Variants in SAMMSON observed in about 807,000 individuals in gnomAD.
SAMMSON encodes the protein survival associated mitochondrial melanoma specific oncogenic non-coding RNA, also known as long intergenic non-protein coding RNA 1212.
intron 9 of SAMMSON, among the ~76,000 whole-genome samples, chr3:70,368,036 C>A (rs1359210372): frequency 1.3e-5 from 2 of 150,778 alleles, no homozygotes; most frequent in Non-Finnish European, 3.0e-5. Flanking sequence ...ATGTTTTCTG[C>A]AAATATTTCT....
chr3:70,292,636 C>T (rs1375236141), intron 7 of SAMMSON, among the ~76,000 whole-genome samples: 1 of 152,022 alleles, frequency 6.6e-6, no homozygotes, highest in Non-Finnish European at 1.5e-5. Context: ...TGAAAAATAA[C>T]TATTTAAACT....
chr3:70,414,996 A>G (rs897029434), intron 2 of SAMMSON, among the ~76,000 whole-genome samples: 5 of 152,166 alleles, frequency 3.3e-5, no homozygotes, highest in Non-Finnish European at 7.4e-5. Flanking sequence ...AAAAAGATCC[A>G]TGCATATAGA....
intron 1 of SAMMSON, among the ~76,000 whole-genome samples, chr3:70,008,517 A>G (rs1444040953): frequency 1.3e-5 from 2 of 152,212 alleles, no homozygotes; most frequent in Non-Finnish European, 2.9e-5. Context: ...GAAGTTGCCT[A>G]TCAGCTTAAG....
intron 3 of SAMMSON, among the ~76,000 whole-genome samples, chr3:70,057,361 A>G (rs1352600716): frequency 2.0e-5 from 3 of 152,066 alleles, no homozygotes; most frequent in African/African-American, 7.2e-5. Flanking sequence ...TCATTTTAAA[A>G]GAATGTTTCT....
chr3:70,153,590 G>T (rs768835448), intron 4 of SAMMSON, among the ~76,000 whole-genome samples: 1 of 151,924 alleles, frequency 6.6e-6, no homozygotes. Context: ...TTAATAAACC[G>T]AAAGTAATCT....
chr3:70,370,520 T>A (rs1321340899), intron 9 of SAMMSON, among the ~76,000 whole-genome samples: 2 of 152,152 alleles, frequency 1.3e-5, no homozygotes, highest in South Asian at 4.1e-4. Context: ...TAAGATGATA[T>A]CTCATTGTGA....
chr3:70,266,275 T>C (rs1701916375), intron 6 of SAMMSON, among the ~76,000 whole-genome samples: 1 of 151,744 alleles, frequency 6.6e-6, no homozygotes, highest in Admixed American at 6.5e-5. Context: ...TATTTAATTA[T>C]GTACTTCTAA....
intron 2 of SAMMSON, among the ~76,000 whole-genome samples, chr3:70,408,639 C>G (rs1701194773): frequency 6.6e-6 from 1 of 152,160 alleles, no homozygotes; most frequent in African/African-American, 2.4e-5. Context: ...GTCCATATCA[C>G]TATCAGGGTT....
intron 6 of SAMMSON, among the ~76,000 whole-genome samples, chr3:70,264,795 A>C (rs937331009): frequency 1.3e-5 from 2 of 152,198 alleles, no homozygotes; most frequent in African/African-American, 4.8e-5. Context: ...GGAGCTATGG[A>C]AACTCTTGGG....
intron 7 of SAMMSON, chr3:70,311,788 C>A (rs1380249196): frequency 5.1e-6 from 2 of 389,064 alleles, no homozygotes; most frequent in Non-Finnish European, 9.1e-6. Context: ...ACTATTTGAA[C>A]GGTCAGGACA....
At chr3:70,274,630 G>T (rs762555451) in intron 6 of SAMMSON, among the ~76,000 whole-genome samples, 6 of 152,086 alleles carry the variant, frequency 3.9e-5, no homozygotes, top group Admixed American at 2.0e-4. Flanking sequence ...GTCCTGTTGG[G>T]GATGGAGCGG....
chr3:70,095,610 A>G (rs932546283), intron 4 of SAMMSON, among the ~76,000 whole-genome samples: 5 of 152,178 alleles, frequency 3.3e-5, no homozygotes, highest in Admixed American at 6.5e-5. Context: ...GCCAATTGCC[A>G]GGAAGGGGAA....
intron 4 of SAMMSON, among the ~76,000 whole-genome samples, chr3:70,244,527 A>G (rs769954243): frequency 6.6e-6 from 1 of 152,242 alleles, no homozygotes; most frequent in Admixed American, 6.5e-5. Flanking sequence ...TGAGTAGGCT[A>G]ACAAATCTAT....
intron 4 of SAMMSON, chr3:70,196,973 C>T (rs777472373): frequency 4.8e-5 from 19 of 398,418 alleles, no homozygotes; most frequent in East Asian, 7.1e-5. Flanking sequence ...TCCAGACACT[C>T]GCTGGTCTCA....
chr3:70,071,091 A>G (rs764103017), intron 3 of SAMMSON, among the ~76,000 whole-genome samples: 49 of 152,110 alleles, frequency 3.2e-4, no homozygotes, highest in Non-Finnish European at 5.9e-4. Flanking sequence ...GGGGTCTTAT[A>G]GGTATCGTAT....
At chr3:70,294,729 A>T (rs1165105234) in intron 7 of SAMMSON, among the ~76,000 whole-genome samples, 1 of 152,168 alleles carries the variant, frequency 6.6e-6, no homozygotes, top group Non-Finnish European at 1.5e-5. Flanking sequence ...TCAATGGCAC[A>T]ACACCACTTT....
Position 70,279,703 on chromosome 3 carries a change from G to A in SAMMSON, n.675-11476G>A, listed in dbSNP as rs144401332. Among the ~76,000 whole-genome samples the A allele has an allele frequency of 1.4e-4, 21 of 152,248 alleles. 1 individual carries two copies. The East Asian group carries it at 3.9e-3, about 28-fold the overall frequency. On this transcript the variant is annotated intron_variant and non_coding_transcript_variant, in intron 6 of 9. Coordinates refer to ENST00000642114, the Ensembl canonical transcript of SAMMSON. The stretch of plus-strand genomic sequence containing the variant: ...ATTTACAGATGCAAACACACACCCT[G>A]GGGTGTGGAATCAGGCTTCCTGAGT...
At chr3:70,429,398 A>G (rs774000797) in intron 2 of SAMMSON, among the ~76,000 whole-genome samples, 92 of 152,100 alleles carry the variant, frequency 6.0e-4, no homozygotes, top group Admixed American at 2.3e-3. Flanking sequence ...GTCAGGTAGC[A>G]TGATGCCTCC....
chr3:70,339,808 A>G (rs1001672107), intron 7 of SAMMSON, among the ~76,000 whole-genome samples: 8 of 152,206 alleles, frequency 5.3e-5, no homozygotes, highest in Non-Finnish European at 5.9e-5. Context: ...CATTGGTGGG[A>G]CTGCAAACTA....
Sources: gnomAD v4.1 joint callset for allele counts (sites outside exome capture counted in the v4.1 genomes callset) on GRCh38, gnomAD v4.1.1 for gene constraint, MANE v1.5 for transcripts, NCBI Gene and HGNC (gene_info 2026-07-23, HGNC 2026-07-21) for gene names.